The following SRSF2 variants were observed in gnomAD, a reference collection of about 807,000 sequenced individuals.
The protein encoded by SRSF2 is serine and arginine rich splicing factor 2.
In SRSF2, 4 loss-of-function variants were observed where a neutral mutation model predicts 15.7. That is an observed-to-expected ratio of 0.26 (90% CI 0.13 to 0.58). The LOEUF is 0.58. Ranked by LOEUF, SRSF2 falls within the 20% of genes least tolerant of loss-of-function variation. SRSF2 has a pLI of 0.90. For missense variants in SRSF2, 147 were observed against 332.4 expected (o/e 0.44, Z 4.34); for synonymous variants, 192 against 138.9 (o/e 1.38, Z -2.69).
rs2077540071 is a variant in SRSF2 at position 76,737,075 on chromosome 17, G to A, written c.86C>T (p.Thr29Met). 6.2e-7 allele frequency: 1 copy of A among 1,612,946 alleles called. No individual in the cohort carries two copies. The highest frequency in any genetic ancestry group is 8.5e-7 in the Non-Finnish European group (1 of 1,179,558). Reference sequence around the variant, plus strand: ...GTACTTCTCGAAGACGCGCCTCAGCGTGTCGGGCGAGGTGCGGTAGGTCAG... The same window carrying A: ...GTACTTCTCGAAGACGCGCCTCAGCATGTCGGGCGAGGTGCGGTAGGTCAG... Reference protein sequence around the residue: ...DNLTYRTSPDTLRRVFEKYGR... With the variant: ...DNLTYRTSPDMLRRVFEKYGR... The change falls in exon 1 of 3, where the codon ACG becomes ATG. Residue 29 changes from threonine (T) to methionine (M), a missense_variant. Thr to Met is a moderately conservative substitution (Grantham distance 81). Transcript: ENST00000359995.
At chr17:76,737,392 A>AC, upstream of SRSF2, 1 of 487,624 alleles carries the variant, frequency 2.1e-6, no homozygotes. Flanking sequence ...CGCCCGCGCC[A>AC]CCCGGAAATG....
upstream of SRSF2, chr17:76,737,367 C>T: frequency 1.7e-6 from 1 of 585,278 alleles, no homozygotes; most frequent in Non-Finnish European, 2.8e-6. Flanking sequence ...GTTTATATCG[C>T]TCCTCACAAA....
At position 76,734,345 on chromosome 17, in the gene SRSF2, G is replaced by A; in HGVS notation, c.*821C>T. 1 of 240,252 alleles carries A rather than the reference G, an allele frequency of 4.2e-6. No homozygotes were observed. The highest frequency in any genetic ancestry group is 2.2e-5 in the African/African-American group (1 of 45,140). 14.9% of individuals were successfully genotyped at this position (240,252 alleles called of 1,614,324 possible). On this transcript the variant is annotated 3_prime_UTR_variant, in exon 3 of 3. Transcript: ENST00000359995. ...AAGGTGTATTTATCATCAGCTAGAT[G>A]TGCTCACTGTATGCTCCGTTATTTA...
upstream of SRSF2, chr17:76,737,332 G>T: frequency 2.3e-6 from 2 of 867,184 alleles, no homozygotes; most frequent in Non-Finnish European, 3.4e-6. Flanking sequence ...AGTAACAACT[G>T]GGCGGGCAGC....
chr17:76,735,415 A>G (rs1598425018), intron 2 of SRSF2: 2 of 220,448 alleles, frequency 9.1e-6, no homozygotes, highest in South Asian at 1.9e-4. Context: ...GAAAAAAAAA[A>G]GGGCTGTATC....
At chr17:76,736,094 G>C in intron 2 of SRSF2, 60 bp downstream of exon 2, 2 of 1,494,280 alleles carry the variant, frequency 1.3e-6, no homozygotes, top group Non-Finnish European at 1.8e-6. Context: ...GACTCAAAAA[G>C]ACCTACCCCA....
At position 76,734,253 on chromosome 17, in the gene SRSF2, T is replaced by C. The variant is rs1361078083; in HGVS notation, c.*913A>G. ...TTACAACCATTTGCTTCCTTAACAT[T>C]TTCCATGTTAAGTTCATACATGTAG... On this transcript the variant is annotated 3_prime_UTR_variant, in exon 3 of 3. Transcript: ENST00000359995. The C allele has an allele frequency of 4.4e-6, 1 of 224,798 alleles. No individual in the cohort carries two copies. Among genetic ancestry groups the C allele is most frequent in the African/African-American group, 2.2e-5 (1 of 44,834 alleles). The allele number at this position is 224,798 out of a possible 1,614,324, so 13.9% of individuals were successfully genotyped here.
intron 1 of SRSF2, 31 bp downstream of exon 1, chr17:76,736,747 GGCCTCCCGCGCGCCCCGCCCC>G (rs953594529): frequency 1.2e-4 from 166 of 1,392,998 alleles, no homozygotes; most frequent in Middle Eastern, 5.2e-4. Context: ...AGGTCGCCCG[GGCCTCCCGCGCGCCCCGCCCC>G]GCCTCCCGCG....
At chr17:76,735,917 G>A (rs1022500314) in intron 2 of SRSF2, 1 of 612,690 alleles carries the variant, frequency 1.6e-6, no homozygotes. Flanking sequence ...AAAACAGCAA[G>A]AAATAGTCAT....
At chr17:76,736,765 C>T (rs1330424305) in intron 1 of SRSF2, 34 bp downstream of exon 1, 2 of 1,405,324 alleles carry the variant, frequency 1.4e-6, no homozygotes, top group Non-Finnish European at 9.2e-7. Context: ...GCGCGCCCCG[C>T]CCCGCCTCCC....
chr17:76,736,131 T>C (rs1598427662), intron 2 of SRSF2, 23 bp downstream of exon 2: 1 of 1,564,188 alleles, frequency 6.4e-7, no homozygotes, highest in Non-Finnish European at 8.7e-7. Flanking sequence ...TAGGGTTATG[T>C]GTCTCGGATT....
At position 76,737,244 on chromosome 17, in the gene SRSF2, G is replaced by A; in HGVS notation, c.-84C>T. On this transcript the variant is annotated 5_prime_UTR_variant, in exon 1 of 3. Transcript: ENST00000359995. ...GGTGCGACGCCGCGCCTCTCAGGCA[G>A]TTGCCTTCCGCGTGGGGACACTGGG... is the stretch of plus-strand genomic sequence containing the variant. The A allele has an allele frequency of 6.9e-7, 1 of 1,452,978 alleles. No homozygotes were observed. The allele number at this position is 1,452,978 out of a possible 1,614,324, so 90.0% of individuals were successfully genotyped here.
In SRSF2 at chr17:76,736,781, C is replaced by T. The variant is rs1017230226; in HGVS notation, c.362+18G>A. 22 of 1,432,088 alleles carry T rather than the reference C, an allele frequency of 1.5e-5. No homozygotes were observed. The highest frequency in any genetic ancestry group is 1.9e-5 in the Non-Finnish European group (21 of 1,100,372). 88.7% of individuals were successfully genotyped at this position (1,432,088 alleles called of 1,614,324 possible). On this transcript the variant is annotated intron_variant, in intron 1 of 2. Transcript: ENST00000359995. ...CGCGCCCCGCCCCGCCTCCCGCGGT[C>T]CCCTCAGCCCCGTTTACCTGCGGCT... is the stretch of plus-strand genomic sequence containing the variant.
chr17:76,736,499 T>C (rs1381994193), intron 1 of SRSF2, 35 bp from the exon 2 acceptor site: 3 of 1,597,580 alleles, frequency 1.9e-6, no homozygotes, highest in Non-Finnish European at 2.6e-6. Context: ...GCGGGGTTAA[T>C]TCCAGGCAGC....
At chr17:76,737,353 G>C (rs956918733), upstream of SRSF2, 243 of 692,856 alleles carry the variant, frequency 3.5e-4, no homozygotes, top group Non-Finnish European at 5.0e-5. Context: ...CGGCCTCTGC[G>C]CCCGTTTATA....
chr17:76,737,329 A>C lies in SRSF2; in HGVS notation c.-169T>G. 1.7e-5 allele frequency: 15 copies of C among 872,650 alleles called. No homozygotes were observed. The South Asian group carries it at 3.0e-4, about 17-fold the overall frequency. 54.1% of individuals were successfully genotyped at this position (872,650 alleles called of 1,614,324 possible). A position where few individuals can be genotyped will look rare whatever the true frequency, so the allele number is the denominator to read the frequency against. On this transcript the variant is annotated 5_prime_UTR_variant, in exon 1 of 3. Transcript: ENST00000359995. Reference sequence around the variant, plus strand: ...CGCAGGCTAGCGCACCTGAGTAACAACTGGGCGGGCAGCCGGCCTCTGCGC... The same window carrying C: ...CGCAGGCTAGCGCACCTGAGTAACACCTGGGCGGGCAGCCGGCCTCTGCGC...
chr17:76,737,000 G>A lies in SRSF2; in HGVS notation c.161C>T (p.Ser54Phe). ...AAAGCGAACGAAGGCGAAGCCGCGG[G>A]ACTCCTTGGTGTAGCGGTCCCGCGG... ...YIPRDRYTKE[S>F]RGFAFVRFHD... The change falls in exon 1 of 3, where the codon TCC becomes TTC. Residue 54 changes from serine (S) to phenylalanine (F), a missense_variant. Ser to Phe is a radical substitution (Grantham distance 155). Transcript: ENST00000359995. 6.2e-7 allele frequency: 1 copy of A among 1,613,520 alleles called. No homozygotes were observed. Among genetic ancestry groups the A allele is most frequent in the Non-Finnish European group, 8.5e-7 (1 of 1,179,932 alleles).
In SRSF2 at chr17:76,736,141, T is replaced by C. The variant is rs2143919312; in HGVS notation, c.*7+13A>G. The C allele has an allele frequency of 6.3e-7, 1 of 1,577,416 alleles. No individual in the cohort carries two copies. Among genetic ancestry groups the C allele is most frequent in the Non-Finnish European group, 8.6e-7 (1 of 1,160,018 alleles). ...TGAATTAGGGTTATGTGTCTCGGAT[T>C]CCCAGACATTACCATTTTCTTAAGA... is the stretch of plus-strand genomic sequence containing the variant. On this transcript the variant is annotated intron_variant, in intron 2 of 2. Transcript: ENST00000359995.
At chr17:76,736,064 A>C (rs566375077) in intron 2 of SRSF2, 90 bp downstream of exon 2, 1 of 1,290,376 alleles carries the variant, frequency 7.7e-7, no homozygotes, top group African/African-American at 1.5e-5. Flanking sequence ...TAATGATAGG[A>C]GTCATTCTTA....
Sources: allele counts gnomAD v4.1 joint callset, GRCh38; gene constraint gnomAD v4.1.1; transcripts MANE v1.5; gene names NCBI Gene and HGNC (gene_info 2026-07-23, HGNC 2026-07-21).